COX17: variants seen among roughly 807,000 people sequenced by gnomAD.
COX17 encodes cytochrome c oxidase copper chaperone COX17.
In COX17, 1 loss-of-function variant was observed where a neutral mutation model predicts 6.3. The observed-to-expected ratio is 0.16, with a 90% confidence interval of 0.06 to 0.75. COX17 has a LOEUF of 0.75. COX17 is among the 30% of genes least tolerant of loss of function. COX17 has a pLI of 0.77. For missense variants in COX17, 73 were observed against 81.2 expected, an observed-to-expected ratio of 0.90 and a Z score of 0.39; for synonymous variants, 26 against 30.5, an observed-to-expected ratio of 0.85 and a Z score of 0.49.
intron 2 of COX17, among the ~76,000 whole-genome samples, chr3:119,673,107 GTA>G (rs1182703869): frequency 6.6e-6 from 1 of 152,200 alleles, no homozygotes; most frequent in East Asian, 1.9e-4. Flanking sequence ...GTTAAAAGTG[GTA>G]GTGTGGTGTG....
downstream of COX17, among the ~76,000 whole-genome samples, chr3:119,664,530 AAC>A (rs2107829606): frequency 6.6e-6 from 1 of 152,306 alleles, no homozygotes; most frequent in Admixed American, 6.5e-5. Context: ...GGTAACAGAG[AAC>A]AGCTTGTTGT....
At chr3:119,666,340 C>T (rs1267653876), downstream of COX17, among the ~76,000 whole-genome samples, 2 of 152,070 alleles carry the variant, frequency 1.3e-5, no homozygotes, top group African/African-American at 2.4e-5. Context: ...CAGTCCTGGA[C>T]GAGAAAGCTG....
intron 3 of COX17, among the ~76,000 whole-genome samples, chr3:119,664,140 T>C (rs911487368): frequency 1.3e-5 from 2 of 152,244 alleles, no homozygotes; most frequent in Non-Finnish European, 2.9e-5. Context: ...AAAATAAGTG[T>C]ACTTAGGATT....
intron 1 of COX17, chr3:119,676,868 A>G (rs1278007980): frequency 1.4e-6 from 1 of 702,768 alleles, no homozygotes; most frequent in East Asian, 2.7e-5. Context: ...ACACATTTGT[A>G]GGAAGGAATG....
intron 2 of COX17, among the ~76,000 whole-genome samples, chr3:119,673,273 T>A (rs1015708261): frequency 6.6e-5 from 10 of 152,210 alleles, no homozygotes; most frequent in African/African-American, 2.4e-4. Flanking sequence ...ATTAAGCACC[T>A]ACTATGAGCC....
rs115937492 is a variant in COX17, at chr3:119,670,271, C to T, written c.*5-606G>A. 1.5e-3 allele frequency among the ~76,000 whole-genome samples: 224 copies of T among 152,214 alleles called. 1 individual carries two copies. Among genetic ancestry groups the T allele is most frequent in the African/African-American group, 5.1e-3 (213 of 41,536 alleles). On this transcript the variant is annotated intron_variant, in intron 2 of 2. Coordinates refer to ENST00000261070, the MANE Select transcript of COX17 (RefSeq NM_005694.2). ...TCTCACACCTCTCCCAGTGCCTATCCCAGAAGATTGAGAACAATGCTAGGA... is the reference window on the plus strand; with the variant it reads ...TCTCACACCTCTCCCAGTGCCTATCTCAGAAGATTGAGAACAATGCTAGGA...
downstream of COX17, chr3:119,666,883 AAC>A (rs1308781868): frequency 1.3e-5 from 2 of 152,198 alleles, no homozygotes; most frequent in African/African-American, 4.8e-5. Context: ...TATACTGGAT[AAC>A]TAGTACACCA....
At chr3:119,676,621 T>C in intron 1 of COX17, 1 of 486,740 alleles carries the variant, frequency 2.1e-6, no homozygotes, top group Non-Finnish European at 3.7e-6. Context: ...TCTTCAGAAC[T>C]GTAAGGAATA....
intron 2 of COX17, among the ~76,000 whole-genome samples, chr3:119,672,348 C>G (rs1323450476): frequency 2.6e-5 from 4 of 152,202 alleles, no homozygotes; most frequent in Non-Finnish European, 5.9e-5. Flanking sequence ...ATAAAGAAAA[C>G]TATGATATCA....
chr3:119,665,272 T>C (rs746541252), downstream of COX17: 2 of 152,238 alleles, frequency 1.3e-5, no homozygotes, highest in African/African-American at 4.8e-5. Context: ...GCTTGAATAG[T>C]TGCGTGACGA....
At chr3:119,675,793 AT>A (rs3836218) in intron 1 of COX17, among the ~76,000 whole-genome samples, 3,247 of 152,324 alleles carry the variant, frequency 0.021, 45 homozygotes, top group Middle Eastern at 0.071. Context: ...TGAAAATGTG[AT>A]TTTGCAAATA....
At chr3:119,676,825 A>G (rs1559736131) in intron 1 of COX17, 1 of 702,434 alleles carries the variant, frequency 1.4e-6, no homozygotes, top group Non-Finnish European at 2.6e-6. Context: ...CTTCGGACCT[A>G]ACGCAGTGCT....
chr3:119,668,402 A>G (rs770127913), downstream of COX17, among the ~76,000 whole-genome samples: 56 of 152,314 alleles, frequency 3.7e-4, no homozygotes, highest in Non-Finnish European at 6.9e-4. Flanking sequence ...AGTGCTTACT[A>G]AAAGTATTAT....
At chr3:119,670,752 T>TTGTG (rs10542008) in intron 2 of COX17, among the ~76,000 whole-genome samples, 2,204 of 149,704 alleles carry the variant, frequency 0.015, 49 homozygotes, top group African/African-American at 0.051. Flanking sequence ...ATGATCAGTT[T>TTGTG]TGTGTGTGTG....
chr3:119,673,219 T>C (rs994720519), intron 2 of COX17, among the ~76,000 whole-genome samples: 1 of 152,228 alleles, frequency 6.6e-6, no homozygotes, highest in African/African-American at 2.4e-5. Context: ...TTCATAACTA[T>C]AAGCTTTAAT....
rs569802384 is a variant in COX17, at chr3:119,676,225, C to A, written c.107+979G>T. On this transcript the variant is annotated intron_variant, in intron 1 of 2. Coordinates refer to ENST00000261070, the MANE Select transcript of COX17 (RefSeq NM_005694.2). ...CAGACTCTTAATCATGCTGTCATACCATTCAAGGTTCAACAGCACTTACTG... is the reference window on the plus strand; with the variant it reads ...CAGACTCTTAATCATGCTGTCATACAATTCAAGGTTCAACAGCACTTACTG... 4.2e-3 allele frequency among the ~76,000 whole-genome samples: 646 copies of A among 152,328 alleles called. 2 individuals carry two copies. The highest frequency in any genetic ancestry group is 0.014 in the African/African-American group (598 of 41,558).
rs528335794 is a variant in COX17, at chr3:119,672,187, G to A, written c.*5-2522C>T. On this transcript the variant is annotated intron_variant, in intron 2 of 2. Transcript: ENST00000261070. ...GCATGTATTATTGTCTCCATTTTAC[G>A]GATGAGGAAACCAAGGTACAGAAAG... 2.2e-4 allele frequency among the ~76,000 whole-genome samples: 34 copies of A among 152,234 alleles called. No individual in the cohort carries two copies. The South Asian group carries it at 3.3e-3, about 15-fold the overall frequency.
At chr3:119,665,305 G>A (rs1377501922), downstream of COX17, 1 of 152,214 alleles carries the variant, frequency 6.6e-6, no homozygotes, top group Non-Finnish European at 1.5e-5. Context: ...AGTTACCATA[G>A]TCATGAGATA....
chr3:119,670,375 TTAAA>T (rs1319179394), intron 2 of COX17, among the ~76,000 whole-genome samples: 1 of 152,172 alleles, frequency 6.6e-6, no homozygotes, highest in Non-Finnish European at 1.5e-5. Flanking sequence ...TTCATTTGGT[TTAAA>T]TAAAGATAAA....
Sources: allele counts gnomAD v4.1 joint callset (sites outside exome capture counted in the v4.1 genomes callset), GRCh38; gene constraint gnomAD v4.1.1; transcripts MANE v1.5; gene names NCBI Gene and HGNC (gene_info 2026-07-23, HGNC 2026-07-21).